Variants in PRELID2 observed in about 807,000 individuals in gnomAD.
PRELID2 encodes PRELI domain containing 2.
A neutral mutation model predicts 28.4 loss-of-function variants in PRELID2; 25 were observed. The observed-to-expected ratio is 0.88, with a 90% CI of 0.64 to 1.23. The LOEUF (loss-of-function observed/expected upper bound fraction) is 1.23. Among genes scored for constraint, PRELID2 ranks in the 50% most tolerant of loss-of-function variants. PRELID2 has a pLI of 0.00. For missense variants in PRELID2, 201 were observed against 214.4 expected, an observed-to-expected ratio of 0.94 and a Z score of 0.39; for synonymous variants, 76 against 71.6, an observed-to-expected ratio of 1.06 and a Z score of -0.31.
At chr5:145,679,214 TC>T (rs143071430) in intron 1 of PRELID2, among the ~76,000 whole-genome samples, 12,617 of 152,208 alleles carry the variant, frequency 0.083, 722 homozygotes, top group Admixed American at 0.19. Context: ...TGTTCCCTAT[TC>T]CCCTTGGGCT....
chr5:145,832,032 T>C (rs1021118251), intron 1 of PRELID2, among the ~76,000 whole-genome samples: 27 of 152,294 alleles, frequency 1.8e-4, no homozygotes, highest in African/African-American at 6.3e-4. Flanking sequence ...TACATACCAA[T>C]AGATAACTTA....
intron 1 of PRELID2, among the ~76,000 whole-genome samples, chr5:145,713,435 T>C (rs192785693): frequency 6.9e-6 from 1 of 144,488 alleles, no homozygotes. Flanking sequence ...TCTGACTTTA[T>C]ATATATACAT....
In PRELID2 at chr5:145,627,875, G is replaced by C. The variant is rs552213754; in HGVS notation, n.70+137056C>G. On this transcript the variant is annotated intron_variant and non_coding_transcript_variant, in intron 1 of 2. Coordinates refer to the PRELID2 transcript ENST00000510259. ...CTTTCCATTTCCTTATATGTGCTAA[G>C]CAGGGCCTTGGTAATTACTGTTAAA... 4.6e-5 allele frequency among the ~76,000 whole-genome samples: 7 copies of C among 152,190 alleles called. No individual in the cohort carries two copies. In the South Asian group the frequency reaches 1.2e-3, roughly 27 times the overall value.
intron 1 of PRELID2, among the ~76,000 whole-genome samples, chr5:145,500,202 T>G (rs765397234): frequency 6.6e-6 from 1 of 152,126 alleles, no homozygotes; most frequent in Non-Finnish European, 1.5e-5. Flanking sequence ...TGGGAGGTGA[T>G]TGGATCATGG....
At chr5:145,742,531 CAAAA>C (rs70998035) in intron 1 of PRELID2, among the ~76,000 whole-genome samples, 3 of 107,622 alleles carry the variant, frequency 2.8e-5, no homozygotes, top group Non-Finnish European at 3.7e-5. Flanking sequence ...CAAGGGATAC[CAAAA>C]AAAAAAAAAA....
the PRELID2 span, among the ~76,000 whole-genome samples, chr5:145,452,667 C>T: frequency 4.6e-5 from 7 of 152,110 alleles, no homozygotes; most frequent in East Asian, 5.8e-4. Context: ...ATCTTTTTAA[C>T]GGTGCTATTT....
intron 5 of PRELID2, among the ~76,000 whole-genome samples, chr5:145,781,011 G>A (rs1277874746): frequency 6.6e-6 from 1 of 152,144 alleles, no homozygotes; most frequent in Non-Finnish European, 1.5e-5. Flanking sequence ...AACAAATCCC[G>A]CTTCACTAGA....
At chr5:145,728,587 A>G in intron 1 of PRELID2, 1 of 900,410 alleles carries the variant, frequency 1.1e-6, no homozygotes, top group Non-Finnish European at 1.8e-6. Context: ...ATGGCAATTA[A>G]CACATTTAGC....
intron 1 of PRELID2, among the ~76,000 whole-genome samples, chr5:145,677,153 T>G (rs1412649337): frequency 1.7e-5 from 2 of 118,072 alleles, no homozygotes; most frequent in Non-Finnish European, 3.4e-5. Context: ...TTGGTTTTGG[T>G]TTTTTTTTTT....
At chr5:145,350,399 C>T in the PRELID2 span, among the ~76,000 whole-genome samples, 1 of 152,160 alleles carries the variant, frequency 6.6e-6, no homozygotes, top group African/African-American at 2.4e-5. Flanking sequence ...CACAGGGCTC[C>T]AAGTTTCAAA....
intron 5 of PRELID2, among the ~76,000 whole-genome samples, chr5:145,787,628 C>A (rs1328768589): frequency 6.6e-6 from 1 of 151,862 alleles, no homozygotes; most frequent in African/African-American, 2.4e-5. Flanking sequence ...GCAGCCTTTA[C>A]CTCCCAGCTC....
At chr5:145,418,345 A>G in the PRELID2 span, among the ~76,000 whole-genome samples, 1 of 152,220 alleles carries the variant, frequency 6.6e-6, no homozygotes, top group Non-Finnish European at 1.5e-5. Context: ...TACTATTTTC[A>G]TTGAACTACC....
At chr5:145,832,976 G>C (rs1755702771) in intron 1 of PRELID2, among the ~76,000 whole-genome samples, 2 of 150,868 alleles carry the variant, frequency 1.3e-5, no homozygotes, top group African/African-American at 2.4e-5. Context: ...TCATCAATTT[G>C]AATTTTGTGT....
chr5:145,738,544 A>T (rs2149733667), intron 1 of PRELID2, among the ~76,000 whole-genome samples: 1 of 152,326 alleles, frequency 6.6e-6, no homozygotes, highest in South Asian at 2.1e-4. Context: ...CAAAATTTTT[A>T]AAAATGCAAG....
Position 145,823,096 on chromosome 5 carries a change from T to C in PRELID2, c.114A>G (p.Lys38=). 3.3e-6 allele frequency: 5 copies of C among 1,534,930 alleles called. No individual in the cohort carries two copies. In the South Asian group the frequency reaches 5.6e-5, roughly 17 times the overall value. ...NPMDKNVISV[K]IMEEKRDEST... is the part of the protein sequence containing the mutation. ...ACTTACCTCTTTTTTCCTCCATGAT[T>C]TTTACTGAGATGACATTTTTATCCA... Residue 38 remains lysine, a synonymous_variant, in exon 2 of 7, where the codon AAA becomes AAG. Coordinates refer to ENST00000683046, the MANE Select transcript of PRELID2 (RefSeq NM_205846.3).
At chr5:145,433,297 G>A in the PRELID2 span, among the ~76,000 whole-genome samples, 3 of 152,150 alleles carry the variant, frequency 2.0e-5, no homozygotes, top group African/African-American at 4.8e-5. Context: ...CTTGGAGTAT[G>A]TGAGGGTGAG....
Position 145,497,080 on chromosome 5 carries a change from T to C in PRELID2, n.71-23765A>G, listed in dbSNP as rs191802813. Among the ~76,000 whole-genome samples the C allele has an allele frequency of 1.9e-4, 29 of 151,680 alleles. No homozygotes were observed. In the East Asian group the frequency reaches 5.4e-3, roughly 28 times the overall value. On this transcript the variant is annotated intron_variant and non_coding_transcript_variant, in intron 1 of 2. Transcript: ENST00000510259. ...GGTCTCGCTACATTGCACAGGCTGG[T>C]CTAAAACTCCTGGCCTCAAGTGATC...
At chr5:145,662,821 C>T (rs777632442) in intron 1 of PRELID2, among the ~76,000 whole-genome samples, 1 of 152,076 alleles carries the variant, frequency 6.6e-6, no homozygotes, top group Non-Finnish European at 1.5e-5. Flanking sequence ...CACCCTTTGA[C>T]TTCTCAGCCT....
the PRELID2 span, among the ~76,000 whole-genome samples, chr5:145,317,147 T>A: frequency 1.3e-5 from 2 of 152,310 alleles, no homozygotes; most frequent in South Asian, 4.1e-4. Flanking sequence ...CAATTTCTTG[T>A]GTTTGTCCAG....
Sources: allele counts gnomAD v4.1 joint callset (sites outside exome capture counted in the v4.1 genomes callset), GRCh38; gene constraint gnomAD v4.1.1; transcripts MANE v1.5; gene names NCBI Gene and HGNC (gene_info 2026-07-23, HGNC 2026-07-21).